The following RHOU variants were observed in gnomAD, a reference collection of about 807,000 sequenced individuals.
RHOU encodes ras homolog family member U.
RHOU carries 8 observed loss-of-function variants against 12.6 expected under a neutral mutation model. The observed-to-expected ratio is 0.64, with a 90% confidence interval of 0.37 to 1.15. RHOU has a LOEUF of 1.15. Among genes scored for constraint, RHOU ranks in the 50% most tolerant of loss-of-function variants. The pLI is 0.01. For synonymous variants in RHOU, 161 were observed against 147.4 expected, an observed-to-expected ratio of 1.09 and a Z score of -0.67; for missense variants, 258 against 347.0, an observed-to-expected ratio of 0.74 and a Z score of 2.04.
chr1:228,703,452 G>A, the RHOU span, among the ~76,000 whole-genome samples: 4 of 151,736 alleles, frequency 2.6e-5, no homozygotes, highest in Non-Finnish European at 5.9e-5. Context: ...CGTGAACCCG[G>A]GAGGTGATGG....
At chr1:228,702,988 A>C in the RHOU span, among the ~76,000 whole-genome samples, 4 of 152,200 alleles carry the variant, frequency 2.6e-5, no homozygotes, top group African/African-American at 7.2e-5. Context: ...CAAGGTAGAA[A>C]ATTCTCAAAA....
the RHOU span, chr1:228,687,591 C>T: frequency 1.3e-6 from 2 of 1,563,428 alleles, no homozygotes; most frequent in Non-Finnish European, 1.7e-6. Flanking sequence ...GTGTGCATTA[C>T]ATTTGGAAAA....
the RHOU span, among the ~76,000 whole-genome samples, chr1:228,658,552 G>A: frequency 6.6e-6 from 1 of 152,178 alleles, no homozygotes; most frequent in Non-Finnish European, 1.5e-5. Context: ...CCAGCCTTTA[G>A]AACTGAGAGA....
chr1:228,707,377 G>T, the RHOU span, among the ~76,000 whole-genome samples: 1 of 149,454 alleles, frequency 6.7e-6, no homozygotes, highest in Non-Finnish European at 1.5e-5. Flanking sequence ...CCCAGCGTGA[G>T]CGACACAGAA....
the RHOU span, among the ~76,000 whole-genome samples, chr1:228,678,997 C>T: frequency 1.9e-4 from 29 of 151,388 alleles, no homozygotes; most frequent in African/African-American, 5.8e-4. Context: ...CCCTGCACTT[C>T]GGCTGTGTGT....
the RHOU span, among the ~76,000 whole-genome samples, chr1:228,689,184 A>T: frequency 1.8e-4 from 27 of 152,068 alleles, 1 homozygote; most frequent in Non-Finnish European, 3.8e-4. Context: ...TTTCCATCTT[A>T]TTCCAACATG....
At chr1:228,726,379 T>G in the RHOU span, among the ~76,000 whole-genome samples, 1 of 152,226 alleles carries the variant, frequency 6.6e-6, no homozygotes, top group South Asian at 2.1e-4. Context: ...AAATCTCTGC[T>G]CTAAGGCCGG....
the RHOU span, among the ~76,000 whole-genome samples, chr1:228,693,569 C>T: frequency 2.0e-5 from 3 of 152,096 alleles, no homozygotes; most frequent in African/African-American, 4.8e-5. Context: ...CGGGTTCAAG[C>T]GATTCTTCTG....
chr1:228,705,781 C>T, the RHOU span, among the ~76,000 whole-genome samples: 2 of 152,154 alleles, frequency 1.3e-5, no homozygotes, highest in African/African-American at 2.4e-5. Context: ...CGGTGGGTCA[C>T]GCCTATAATC....
At chr1:228,687,720 T>C in the RHOU span, 2 of 1,463,902 alleles carry the variant, frequency 1.4e-6, no homozygotes, top group Non-Finnish European at 1.9e-6. Flanking sequence ...CATCAAAGAA[T>C]TGGGTGAGCA....
At chr1:228,687,381 T>C in the RHOU span, 4 of 904,278 alleles carry the variant, frequency 4.4e-6, no homozygotes, top group Non-Finnish European at 7.3e-6. Context: ...GTACAACTTA[T>C]AGAAAAGGTA....
At chr1:228,715,310 G>A in the RHOU span, among the ~76,000 whole-genome samples, 1 of 151,782 alleles carries the variant, frequency 6.6e-6, no homozygotes, top group South Asian at 2.1e-4. Context: ...GATACACTGT[G>A]TTTTAATTAT....
upstream of RHOU, among the ~76,000 whole-genome samples, chr1:228,733,087 A>G (rs1190136802): frequency 6.6e-6 from 1 of 152,236 alleles, no homozygotes; most frequent in Non-Finnish European, 1.5e-5. Context: ...TACTTCACAC[A>G]CAGGTGAACT....
the RHOU span, among the ~76,000 whole-genome samples, chr1:228,712,453 A>G: frequency 6.6e-6 from 1 of 152,080 alleles, no homozygotes; most frequent in Non-Finnish European, 1.5e-5. Context: ...AATGTGGCAC[A>G]TATACACCAT....
the RHOU span, among the ~76,000 whole-genome samples, chr1:228,671,015 G>T: frequency 6.6e-6 from 1 of 151,958 alleles, no homozygotes. Context: ...TGTTGTTGTT[G>T]TTTTTTCAGA....
chr1:228,683,545 T>C, the RHOU span, among the ~76,000 whole-genome samples: 1 of 152,210 alleles, frequency 6.6e-6, no homozygotes, highest in Non-Finnish European at 1.5e-5. Context: ...AAAATGTTTT[T>C]GAGTTCTTGA....
chr1:228,689,630 G>A, the RHOU span, among the ~76,000 whole-genome samples: 1 of 152,024 alleles, frequency 6.6e-6, no homozygotes, highest in Non-Finnish European at 1.5e-5. Flanking sequence ...AGCAGTGGGT[G>A]AGCATTACCA....
chr1:228,672,928 G>A, the RHOU span, among the ~76,000 whole-genome samples: 3 of 152,102 alleles, frequency 2.0e-5, no homozygotes, highest in South Asian at 2.1e-4. Context: ...GCAGCAGCCC[G>A]ATTTCCACCT....
chr1:228,687,529 A>G, the RHOU span: 75 of 1,579,192 alleles, frequency 4.7e-5, no homozygotes, highest in Middle Eastern at 3.4e-4. Context: ...TTCCTTCAGG[A>G]TATCAAGAAA....
Sources: gnomAD v4.1 joint callset for allele counts (sites outside exome capture counted in the v4.1 genomes callset) on GRCh38, gnomAD v4.1.1 for gene constraint, MANE v1.5 for transcripts, NCBI Gene and HGNC (gene_info 2026-07-23, HGNC 2026-07-21) for gene names.